The following POLR3B variants were observed in gnomAD, a reference collection of about 807,000 sequenced individuals.
POLR3B encodes RNA polymerase III subunit B, also known as DNA-directed RNA polymerase III subunit RPC2.
POLR3B carries 96 observed loss-of-function variants against 147.4 expected under a neutral mutation model. That is an observed-to-expected ratio of 0.65 (90% CI 0.55 to 0.77). The LOEUF (loss-of-function observed/expected upper bound fraction) is 0.77, where lower values mean the gene tolerates loss of function less well. Ranked by LOEUF, POLR3B falls within the 30% of genes least tolerant of loss-of-function variation. The pLI is 0.00. For synonymous variants in POLR3B, 461 were observed against 485.9 expected, an observed-to-expected ratio of 0.95 and a Z score of 0.67; for missense variants, 1,036 against 1,413.5, an observed-to-expected ratio of 0.73 and a Z score of 4.28.
intron 27 of POLR3B, chr12:106,507,806 CT>C (rs1277767388): frequency 2.2e-6 from 1 of 455,890 alleles, no homozygotes; most frequent in South Asian, 1.5e-5. Context: ...TCTTGCTTTT[CT>C]TTTCTAAAAT....
At chr12:106,456,633 A>G (rs2037866481) in intron 20 of POLR3B, among the ~76,000 whole-genome samples, 1 of 152,166 alleles carries the variant, frequency 6.6e-6, no homozygotes, top group African/African-American at 2.4e-5. Flanking sequence ...CACCAAAAGG[A>G]TGTGTATCCT....
rs142299328 is a variant in POLR3B at position 106,407,815 on chromosome 12, G to A, written c.966+1839G>A. On this transcript the variant is annotated intron_variant, in intron 11 of 27. Transcript: ENST00000228347. The stretch of plus-strand genomic sequence containing the variant: ...TTGCACTCCAGCCTGGGCAACAAGA[G>A]CAAAACTCCGACTCAAAAAAAAAAA... Among the ~76,000 whole-genome samples the A allele has an allele frequency of 6.5e-3, 988 of 151,486 alleles. 9 individuals carry two copies. Among genetic ancestry groups the A allele is most frequent in the African/African-American group, 0.023 (936 of 41,296 alleles).
intron 12 of POLR3B, among the ~76,000 whole-genome samples, chr12:106,421,658 A>G (rs1464827217): frequency 1.3e-5 from 2 of 151,808 alleles, no homozygotes; most frequent in African/African-American, 2.4e-5. Context: ...TGTGTTGCAG[A>G]TATCCTTTTC....
intron 11 of POLR3B, among the ~76,000 whole-genome samples, chr12:106,409,050 G>T (rs1224365334): frequency 6.6e-6 from 1 of 152,174 alleles, no homozygotes; most frequent in Non-Finnish European, 1.5e-5. Context: ...TCTACTACCA[G>T]TGTTTATGCA....
chr12:106,496,627 T>A, intron 24 of POLR3B, 125 bp from the exon 25 acceptor site: 1 of 833,984 alleles, frequency 1.2e-6, no homozygotes, highest in Non-Finnish European at 2.0e-6. Flanking sequence ...CAAGCTTAAA[T>A]ACTGCTTCTA....
At chr12:106,396,485 G>A (rs1308765852) in intron 10 of POLR3B, among the ~76,000 whole-genome samples, 2 of 152,056 alleles carry the variant, frequency 1.3e-5, no homozygotes. Context: ...CTAATCACTG[G>A]GAGTCAAAGA....
At chr12:106,443,034 A>G (rs2037673872) in intron 18 of POLR3B, among the ~76,000 whole-genome samples, 1 of 152,228 alleles carries the variant, frequency 6.6e-6, no homozygotes, top group Admixed American at 6.5e-5. Context: ...ATAAAATGCA[A>G]GCCACCTATA....
chr12:106,488,615 T>A (rs1405884853), intron 23 of POLR3B, among the ~76,000 whole-genome samples: 1 of 152,202 alleles, frequency 6.6e-6, no homozygotes, highest in Non-Finnish European at 1.5e-5. Flanking sequence ...ATGTTCTATG[T>A]GTTGCTGTAT....
intron 12 of POLR3B, among the ~76,000 whole-genome samples, chr12:106,412,292 A>G (rs1204177797): frequency 6.6e-6 from 1 of 152,116 alleles, no homozygotes; most frequent in Middle Eastern, 3.2e-3. Context: ...ATCAGCTGAA[A>G]TATTCATTTA....
At position 106,408,693 on chromosome 12, in the gene POLR3B, C is replaced by T. The variant is rs142546970; in HGVS notation, c.967-2133C>T. Among the ~76,000 whole-genome samples, 52 of 152,176 alleles carry T rather than the reference C, an allele frequency of 3.4e-4. No homozygotes were observed. In the East Asian group the frequency reaches 6.9e-3, roughly 20 times the overall value. On this transcript the variant is annotated intron_variant, in intron 11 of 27. Transcript: ENST00000228347. ...GTTCGTTTGTTAGTCCTTTTTTCTC[C>T]CCCTCTTTCACATAATCCACAGGTT...
At chr12:106,426,839 T>TTCCCCCCCCCC (rs2037444378) in intron 12 of POLR3B, among the ~76,000 whole-genome samples, 1 of 25,290 alleles carries the variant, frequency 4.0e-5, no homozygotes, top group Non-Finnish European at 7.2e-5. Flanking sequence ...TTCTCCACCG[T>TTCCCCCCCCCC]CCCCCCCCCC....
chr12:106,428,990 G>C (rs190208735), intron 13 of POLR3B, among the ~76,000 whole-genome samples: 1 of 152,096 alleles, frequency 6.6e-6, no homozygotes, highest in Non-Finnish European at 1.5e-5. Context: ...TTTAACCTGG[G>C]ATCCACAAGA....
At chr12:106,505,822 AG>A (rs1241187574) in intron 27 of POLR3B, among the ~76,000 whole-genome samples, 1 of 152,228 alleles carries the variant, frequency 6.6e-6, no homozygotes, top group African/African-American at 2.4e-5. Flanking sequence ...CCTTCCAGAC[AG>A]AGCCTCAACT....
chr12:106,376,485 T>G (rs376669463), intron 7 of POLR3B, 35 bp downstream of exon 7: 2 of 1,311,834 alleles, frequency 1.5e-6, no homozygotes, highest in Admixed American at 3.4e-5. Flanking sequence ...CCCACTTTCC[T>G]TATTCTTTTA....
chr12:106,370,626 T>G (rs1166189982), intron 6 of POLR3B, among the ~76,000 whole-genome samples: 3 of 151,424 alleles, frequency 2.0e-5, no homozygotes, highest in African/African-American at 7.3e-5. Context: ...TTTTTTTGTT[T>G]TATTGTTTTT....
At chr12:106,479,048 A>G (rs1050859725) in intron 23 of POLR3B, among the ~76,000 whole-genome samples, 2 of 151,880 alleles carry the variant, frequency 1.3e-5, no homozygotes, top group African/African-American at 4.8e-5. Context: ...TCCCTTCTTG[A>G]CATTCTGAAA....
chr12:106,422,095 A>G (rs984570509), intron 12 of POLR3B, among the ~76,000 whole-genome samples: 14 of 152,232 alleles, frequency 9.2e-5, no homozygotes, highest in African/African-American at 2.2e-4. Flanking sequence ...TATGGTTTGG[A>G]TCTGTGTCCC....
At chr12:106,445,243 T>A (rs2037706468) in intron 19 of POLR3B, among the ~76,000 whole-genome samples, 1 of 152,224 alleles carries the variant, frequency 6.6e-6, no homozygotes, top group Non-Finnish European at 1.5e-5. Context: ...CAGAGCCCTG[T>A]GCTCAGGGAG....
chr12:106,459,763 G>A (rs569442956), intron 22 of POLR3B, among the ~76,000 whole-genome samples: 2 of 152,192 alleles, frequency 1.3e-5, no homozygotes, highest in Non-Finnish European at 2.9e-5. Flanking sequence ...CCACAGCATG[G>A]CATCACAGTA....
Sources: gnomAD v4.1 joint callset for allele counts (sites outside exome capture counted in the v4.1 genomes callset) on GRCh38, gnomAD v4.1.1 for gene constraint, MANE v1.5 for transcripts, NCBI Gene and HGNC (gene_info 2026-07-23, HGNC 2026-07-21) for gene names.